MAPT: variants seen among roughly 807,000 people sequenced by gnomAD.
MAPT encodes microtubule-associated protein tau.
In MAPT, 34 loss-of-function variants were observed where a neutral mutation model predicts 67.9. The observed-to-expected ratio is 0.50, with a 90% CI of 0.38 to 0.67. The LOEUF (loss-of-function observed/expected upper bound fraction) is 0.67, where lower values mean the gene tolerates loss of function less well. Among genes scored for constraint, MAPT ranks in the 30% least tolerant of loss-of-function variants. The pLI is 0.00. For missense variants in MAPT, 881 were observed against 1,115.2 expected, an observed-to-expected ratio of 0.79 and a Z score of 2.99; for synonymous variants, 456 against 464.5, an observed-to-expected ratio of 0.98 and a Z score of 0.23.
chr17:45,923,266 TGCCTTCCA>T (rs1200223308), intron 1 of MAPT, among the ~76,000 whole-genome samples: 4 of 152,330 alleles, frequency 2.6e-5, no homozygotes, highest in African/African-American at 9.6e-5. Flanking sequence ...ACAAAACCCC[TGCCTTCCA>T]GGAGCCTTTG....
At chr17:45,912,188 C>T (rs938132767) in intron 1 of MAPT, among the ~76,000 whole-genome samples, 1 of 152,226 alleles carries the variant, frequency 6.6e-6, no homozygotes, top group Non-Finnish European at 1.5e-5. Flanking sequence ...CAAATTAAAA[C>T]ACAGGGCATC....
chr17:45,991,647 A>G lies in MAPT; in HGVS notation c.1732+61A>G. ...TGAAGCTCTCAGAGGTACAGCCTTC[A>G]TTTTAGGAGGCCTTAGGCCACTGAG... On this transcript the variant is annotated intron_variant, in intron 8 of 12. Transcript: ENST00000262410. The G allele has an allele frequency of 3.1e-6, 5 of 1,612,886 alleles. No individual in the cohort carries two copies. The South Asian group carries it at 3.3e-5, about 11-fold the overall frequency.
Position 45,962,442 on chromosome 17 carries a change from A to G in MAPT, c.105A>G (p.Gln35=). The change falls in exon 2 of 13, where the codon CAA becomes CAG. Residue 35 remains glutamine, a synonymous_variant. Transcript: ENST00000262410. The part of the protein sequence containing the change: ...DQGGYTMHQD[Q]EGDTDAGLKE... ...GGGGCTACACCATGCACCAAGACCA[A>G]GAGGGTGACACGGACGCTGGCCTGA... 6.2e-7 allele frequency: 1 copy of G among 1,612,906 alleles called. No individual in the cohort carries two copies. The highest frequency in any genetic ancestry group is 1.1e-5 in the South Asian group (1 of 90,974).
At chr17:45,987,205 T>C in intron 6 of MAPT, 110 bp downstream of exon 6, 1 of 1,052,506 alleles carries the variant, frequency 9.5e-7, no homozygotes. Context: ...GTCACTAAAG[T>C]ACAGCTGTCA....
At chr17:46,014,882 C>CAAAAAAAAAAAAAAAAA (rs1254513618) in intron 11 of MAPT, among the ~76,000 whole-genome samples, 7 of 127,534 alleles carry the variant, frequency 5.5e-5, no homozygotes, top group Admixed American at 8.0e-5. Flanking sequence ...GACTCCGTCT[C>CAAAAAAAAAAAAAAAAA]AAAAAAAAAA....
chr17:45,933,667 C>T (rs1178071402), intron 1 of MAPT, among the ~76,000 whole-genome samples: 4 of 152,066 alleles, frequency 2.6e-5, no homozygotes, highest in Admixed American at 6.6e-5. Flanking sequence ...ATATCTCTGT[C>T]GATCCTTTGG....
At chr17:45,949,380 C>G (rs1041038699) in intron 1 of MAPT, among the ~76,000 whole-genome samples, 2 of 152,254 alleles carry the variant, frequency 1.3e-5, no homozygotes, top group African/African-American at 4.8e-5. Context: ...TCGGGCTTCC[C>G]CTGAGCCCCT....
Position 46,010,204 on chromosome 17 carries a change from G to A in MAPT, c.1999-106G>A, listed in dbSNP as rs2075728728. ...GAGGCATCCTTGCGAGCAAGTAGGCGGGTCCAGGGTGGCGCATGTCACTCA... is the reference window on the plus strand; with the variant it reads ...GAGGCATCCTTGCGAGCAAGTAGGCAGGTCCAGGGTGGCGCATGTCACTCA... On this transcript the variant is annotated intron_variant, in intron 9 of 12. Coordinates refer to ENST00000262410, the MANE Select transcript of MAPT (RefSeq NM_001377265.1). The surrounding 1 kb of genome is among the most constrained non-coding windows in gnomAD (Gnocchi z 4.7). 1.4e-5 allele frequency: 11 copies of A among 765,394 alleles called. No individual in the cohort carries two copies. The highest frequency in any genetic ancestry group is 2.9e-5 in the South Asian group (2 of 68,322). 47.4% of individuals were successfully genotyped at this position (765,394 alleles called of 1,614,324 possible).
intron 1 of MAPT, among the ~76,000 whole-genome samples, chr17:45,949,509 A>G (rs191916839): frequency 3.3e-5 from 5 of 152,322 alleles, no homozygotes; most frequent in Admixed American, 2.0e-4. Context: ...TTTAGCATCA[A>G]AATATCAGAA....
intron 1 of MAPT, among the ~76,000 whole-genome samples, chr17:45,955,319 A>G (rs538157594): frequency 1.3e-5 from 2 of 152,218 alleles, no homozygotes; most frequent in African/African-American, 4.8e-5. Flanking sequence ...TATTTTCTCA[A>G]ATACACTTCT....
Position 45,990,018 on chromosome 17 carries a change from C to T in MAPT, c.1548C>T (p.Tyr516=), listed in dbSNP as rs556489804. The change falls in exon 7 of 13, where the codon TAC becomes TAT. Residue 516 remains tyrosine, a synonymous_variant. Transcript: ENST00000262410. ...CAGAGCCACCTTCCTCTCCTAAATA[C>T]GTCTCTTCTGTCACTTCCCGAACTG... ...VCPEPPSSPK[Y]VSSVTSRTGS... 4.3e-6 allele frequency: 7 copies of T among 1,614,030 alleles called. No individual in the cohort carries two copies. The highest frequency in any genetic ancestry group is 2.2e-5 in the East Asian group (1 of 44,898).
chr17:45,920,765 C>A (rs2144392835), intron 1 of MAPT, among the ~76,000 whole-genome samples: 1 of 152,252 alleles, frequency 6.6e-6, no homozygotes, highest in South Asian at 2.1e-4. Flanking sequence ...TTTCTGAGGT[C>A]CCCGAGAGAG....
At chr17:46,006,958 A>G (rs1046930425) in intron 9 of MAPT, among the ~76,000 whole-genome samples, 1 of 127,656 alleles carries the variant, frequency 7.8e-6, no homozygotes, top group Admixed American at 8.4e-5. Flanking sequence ...AAATAATAAA[A>G]TAAAATAAAA....
rs533216760 is a variant in MAPT at position 45,935,916 on chromosome 17, A to T, written c.-17-26405A>T. On this transcript the variant is annotated intron_variant, in intron 1 of 12. Coordinates refer to ENST00000262410, the MANE Select transcript of MAPT (RefSeq NM_001377265.1). The stretch of plus-strand genomic sequence containing the variant: ...GGCACTGATTCCTTACTTAGCTAAG[A>T]GAATCACAGACACTTGGGGCTCAGG... Among the ~76,000 whole-genome samples the T allele has an allele frequency of 1.9e-3, 289 of 152,306 alleles. 3 individuals are homozygous for T. Among genetic ancestry groups the T allele is most frequent in the African/African-American group, 6.5e-3 (269 of 41,552 alleles).
At chr17:45,933,245 CTT>C (rs61564191) in intron 1 of MAPT, among the ~76,000 whole-genome samples, 5 of 139,174 alleles carry the variant, frequency 3.6e-5, no homozygotes, top group Non-Finnish European at 3.1e-5. Flanking sequence ...CTCTCTCTCC[CTT>C]TTTTTTTTTT....
At chr17:45,919,553 C>T (rs749298630) in intron 1 of MAPT, among the ~76,000 whole-genome samples, 1 of 152,240 alleles carries the variant, frequency 6.6e-6, no homozygotes, top group Non-Finnish European at 1.5e-5. Flanking sequence ...CTACCTTCCC[C>T]TCCCTACCTT....
intron 1 of MAPT, among the ~76,000 whole-genome samples, chr17:45,941,736 T>TTCCC: frequency 7.2e-6 from 1 of 139,732 alleles, no homozygotes; most frequent in South Asian, 2.3e-4. Context: ...CCTTCCTTCC[T>TTCCC]TCCTTCCTTC....
chr17:46,012,033 C>G lies in MAPT; in HGVS notation c.2091+1631C>G, dbSNP rs190098943. Among the ~76,000 whole-genome samples, 16 of 152,326 alleles carry G rather than the reference C, an allele frequency of 1.1e-4. No individual in the cohort carries two copies. The East Asian group carries it at 2.9e-3, about 28-fold the overall frequency. The stretch of plus-strand genomic sequence containing the variant: ...GGACAGAAGAGGTGTGTGCCGCCCC[C>G]ACCCCTGCCCGGGCCCTTGTTCCTG... On this transcript the variant is annotated intron_variant, in intron 10 of 12. Transcript: ENST00000262410.
intron 1 of MAPT, among the ~76,000 whole-genome samples, chr17:45,952,066 T>G (rs373641950): frequency 1.7e-4 from 26 of 152,344 alleles, no homozygotes; most frequent in East Asian, 5.8e-4. Flanking sequence ...TGTCTGTGTG[T>G]CTCGCTTAGA....
Sources: gnomAD v4.1 joint callset for allele counts (sites outside exome capture counted in the v4.1 genomes callset) on GRCh38, gnomAD v4.1.1 for gene constraint, Gnocchi (gnomAD v3.1) non-coding constraint, MANE v1.5 for transcripts, NCBI Gene and HGNC (gene_info 2026-07-23, HGNC 2026-07-21) for gene names.